SLC13A4: variants seen among roughly 807,000 people sequenced by gnomAD.
SLC13A4 encodes the protein solute carrier family 13 member 4.
A neutral mutation model predicts 72.7 loss-of-function variants in SLC13A4; 28 were observed. The ratio of observed to expected loss-of-function variants is 0.39; its 90% CI spans 0.29 to 0.53. The LOEUF is 0.53. SLC13A4 is among the 20% of genes least tolerant of loss of function. SLC13A4 has a pLI of 0.78. For missense variants in SLC13A4, 653 were observed against 788.0 expected (o/e 0.83, Z 2.05); for synonymous variants, 312 against 325.5 (o/e 0.96, Z 0.45).
At chr7:135,706,875 CATCTT>C (rs1284930072) in intron 3 of SLC13A4, among the ~76,000 whole-genome samples, 7 of 152,352 alleles carry the variant, frequency 4.6e-5, no homozygotes, top group East Asian at 1.9e-4. Context: ...TTCCAGCTGA[CATCTT>C]AAAGCGTCAA....
chr7:135,691,795 G>A (rs928615499), intron 11 of SLC13A4, 150 bp from the exon 12 acceptor site: 3 of 590,356 alleles, frequency 5.1e-6, no homozygotes, highest in Non-Finnish European at 9.1e-6. Context: ...TTGCTGCCAC[G>A]CTATCCACTT....
intron 8 of SLC13A4, among the ~76,000 whole-genome samples, chr7:135,697,235 T>G (rs192043331): frequency 8.4e-4 from 128 of 152,394 alleles, no homozygotes; most frequent in African/African-American, 2.8e-3. Flanking sequence ...TCTCTTCAAA[T>G]CTATGCCTTC....
At chr7:135,702,011 A>G in intron 6 of SLC13A4, 1 of 376,824 alleles carries the variant, frequency 2.7e-6, no homozygotes, top group Non-Finnish European at 4.7e-6. Context: ...GAGGAGAGCC[A>G]GCCTTTCTGG....
At chr7:135,694,383 T>C (rs1795857081) in intron 9 of SLC13A4, 145 bp from the exon 10 acceptor site, 5 of 597,704 alleles carry the variant, frequency 8.4e-6, no homozygotes, top group Non-Finnish European at 1.5e-5. Flanking sequence ...CCCCACCTAT[T>C]CATATGGCTT....
intron 8 of SLC13A4, among the ~76,000 whole-genome samples, chr7:135,697,586 CTT>C (rs796453706): frequency 8.9e-5 from 12 of 135,426 alleles, no homozygotes; most frequent in Admixed American, 3.9e-4. Context: ...ATCTGTTCTC[CTT>C]TTTTTTTTTT....
chr7:135,702,655 C>G lies in SLC13A4; in HGVS notation c.633+190G>C, dbSNP rs191476253. The G allele has an allele frequency of 1.5e-4, 86 of 588,892 alleles. No homozygotes were observed. In the African/African-American group the frequency reaches 1.5e-3, roughly 10 times the overall value. The allele number at this position is 588,892 out of a possible 1,614,324, so 36.5% of individuals were successfully genotyped here. ...CCTCCCAAAGTGCTGGGAGTACAGG[C>G]ATGAGCCACCACGCCCAGCCAATGT... On this transcript the variant is annotated intron_variant, in intron 6 of 15. Transcript: ENST00000682651.
chr7:135,686,832 A>G (rs1480983285), intron 13 of SLC13A4, among the ~76,000 whole-genome samples: 3 of 152,204 alleles, frequency 2.0e-5, no homozygotes, highest in Admixed American at 1.3e-4. Context: ...TGAGGAAGGT[A>G]GGTCACTTGA....
rs529612911 is a variant in SLC13A4, at chr7:135,727,965, T to G, written c.-469A>C. ...GTTTTCCTCCCTCGGATGACCTATT[T>G]TGGGGAGTACCTGTTTCATCTCCCA... On this transcript the variant is annotated 5_prime_UTR_variant, in exon 1 of 16. Coordinates refer to ENST00000682651, the MANE Select transcript of SLC13A4 (RefSeq NM_001318192.2). The G allele has an allele frequency of 1.3e-5, 2 of 152,982 alleles. No homozygotes were observed. The highest frequency in any genetic ancestry group is 4.1e-4 in the South Asian group (2 of 4,836). The allele number at this position is 152,982 out of a possible 1,614,324, so 9.5% of individuals were successfully genotyped here.
Position 135,706,278 on chromosome 7 carries a change from A to C in SLC13A4, c.388T>G (p.Cys130Gly). The C allele has an allele frequency of 6.2e-7, 1 of 1,609,880 alleles. No homozygotes were observed. Among genetic ancestry groups the C allele is most frequent in the Non-Finnish European group, 8.5e-7 (1 of 1,176,738 alleles). ...PGMLLLCFMC[C>G]TTLLSMWLSN... ...AGCCACATGGACAGCAACGTGGTAC[A>C]GCACATGAAGCAGAGCAGCAGCCTG... The change falls in exon 4 of 16, where the codon TGT (cysteine) becomes GGT (glycine). Residue 130 changes from cysteine (C) to glycine (G), a missense_variant. Cys to Gly is a radical substitution (Grantham distance 159). Coordinates refer to ENST00000682651, the MANE Select transcript of SLC13A4 (RefSeq NM_001318192.2).
At chr7:135,691,051 C>T (rs1199203705) in intron 13 of SLC13A4, 150 bp downstream of exon 13, 3 of 589,512 alleles carry the variant, frequency 5.1e-6, no homozygotes, top group East Asian at 4.0e-5. Flanking sequence ...GTAATCCCAG[C>T]TACTTGGGAG....
chr7:135,695,541 A>AT lies in SLC13A4; in HGVS notation c.900-55dup, dbSNP rs1795882453. The AT allele has an allele frequency of 1.8e-5, 29 of 1,575,426 alleles. No individual in the cohort carries two copies. In the South Asian group the frequency reaches 3.2e-4, roughly 17 times the overall value. ...TAGAAAGGGAGGGTTTCCATATGGT[A>AT]TTTTGGGGTAGTATGCCAAATGCTC... is the stretch of plus-strand genomic sequence containing the variant. On this transcript the variant is annotated intron_variant, in intron 8 of 15. Transcript: ENST00000682651.
chr7:135,716,328 G>A (rs1474805045), intron 2 of SLC13A4, among the ~76,000 whole-genome samples: 1 of 152,020 alleles, frequency 6.6e-6, no homozygotes, highest in Non-Finnish European at 1.5e-5. Flanking sequence ...TTTTTTAGAT[G>A]GAGCCTAGCT....
At chr7:135,713,747 T>C (rs2129495118) in intron 2 of SLC13A4, among the ~76,000 whole-genome samples, 1 of 152,270 alleles carries the variant, frequency 6.6e-6, no homozygotes, top group Non-Finnish European at 1.5e-5. Flanking sequence ...CCGGCTAATT[T>C]TGTATTTTCA....
intron 2 of SLC13A4, among the ~76,000 whole-genome samples, chr7:135,709,776 C>G (rs1259545548): frequency 6.6e-6 from 1 of 152,166 alleles, no homozygotes; most frequent in Admixed American, 6.5e-5. Flanking sequence ...CTAGAAAAAA[C>G]CTTTCTTGTG....
intron 7 of SLC13A4, among the ~76,000 whole-genome samples, chr7:135,701,432 A>G (rs542333463): frequency 6.6e-6 from 1 of 152,334 alleles, no homozygotes; most frequent in African/African-American, 2.4e-5. Context: ...AGGACCTCTG[A>G]TCTACACCAA....
At chr7:135,708,755 A>G (rs1037406193) in intron 2 of SLC13A4, among the ~76,000 whole-genome samples, 1 of 152,052 alleles carries the variant, frequency 6.6e-6, no homozygotes, top group Non-Finnish European at 1.5e-5. Context: ...AGACAAAATT[A>G]CCCTTAATCA....
In SLC13A4 at chr7:135,706,156, G is replaced by C; in HGVS notation, c.510C>G (p.Asn170Lys). The change falls in exon 4 of 16, where the codon AAC becomes AAG. Residue 170 changes from asparagine to lysine, a missense_variant. Physicochemically the swap from Asn to Lys is moderately conservative, Grantham distance 94 (BLOSUM62 0). Coordinates refer to ENST00000682651, the MANE Select transcript of SLC13A4 (RefSeq NM_001318192.2). ...TGGGTTCGGCCTCTTCGGTGTTGGA[G>C]TTGCCCGCCACGAGCTGCTCGTCCT... is the stretch of plus-strand genomic sequence containing the variant. ...SAEDEQLVAG[N>K]SNTEEAEPIS... is the part of the protein sequence containing the mutation. The C allele has an allele frequency of 6.2e-7, 1 of 1,606,480 alleles. No homozygotes were observed. Among genetic ancestry groups the C allele is most frequent in the Non-Finnish European group, 8.5e-7 (1 of 1,174,022 alleles).
At chr7:135,721,348 G>T in intron 2 of SLC13A4, 47 bp downstream of exon 2, 2 of 1,605,576 alleles carry the variant, frequency 1.2e-6, no homozygotes, top group South Asian at 1.1e-5. Flanking sequence ...CTCTTTCAGG[G>T]GCCCTGCAGG....
chr7:135,715,429 G>A (rs543490190), intron 2 of SLC13A4, among the ~76,000 whole-genome samples: 1 of 151,722 alleles, frequency 6.6e-6, no homozygotes, highest in East Asian at 1.9e-4. Context: ...GAGTGTGTGA[G>A]CGTGTGTATG....
Sources: gnomAD v4.1 joint callset for allele counts (sites outside exome capture counted in the v4.1 genomes callset) on GRCh38, gnomAD v4.1.1 for gene constraint, MANE v1.5 for transcripts, NCBI Gene and HGNC (gene_info 2026-07-23, HGNC 2026-07-21) for gene names.